Variants in MAPK10 observed in about 807,000 individuals in gnomAD.
The protein encoded by MAPK10 is mitogen-activated protein kinase 10, also known as JNK3 alpha protein kinase.
In MAPK10, 25 loss-of-function variants were observed where a neutral mutation model predicts 59.3. The ratio of observed to expected loss-of-function variants is 0.42; its 90% confidence interval spans 0.31 to 0.59. MAPK10 has a LOEUF of 0.59. Ranked by LOEUF, MAPK10 falls within the 20% of genes least tolerant of loss-of-function variation. The pLI is 0.15. For missense variants in MAPK10, 351 were observed against 568.9 expected, an observed-to-expected ratio of 0.62 and a Z score of 3.90; for synonymous variants, 190 against 200.5, an observed-to-expected ratio of 0.95 and a Z score of 0.44.
intron 1 of MAPK10, among the ~76,000 whole-genome samples, chr4:86,390,320 T>C (rs1742032625): frequency 1.3e-5 from 2 of 152,226 alleles, no homozygotes; most frequent in Non-Finnish European, 2.9e-5. Flanking sequence ...TGAAAACTAC[T>C]GCACTTGATC....
At chr4:86,217,069 C>G (rs1036231591) in intron 2 of MAPK10, among the ~76,000 whole-genome samples, 1 of 152,112 alleles carries the variant, frequency 6.6e-6, no homozygotes, top group East Asian at 1.9e-4. Flanking sequence ...AAAATTTATA[C>G]ATCTCATCCA....
chr4:86,125,344 A>C (rs2059907985), intron 4 of MAPK10: 1 of 152,006 alleles, frequency 6.6e-6, no homozygotes, highest in Non-Finnish European at 1.5e-5. Context: ...TTCTCATTAA[A>C]AAAAATTAGG....
At chr4:86,152,643 G>A (rs1297301950) in intron 4 of MAPK10, 3 of 152,150 alleles carry the variant, frequency 2.0e-5, no homozygotes, top group African/African-American at 7.2e-5. Flanking sequence ...GAAACAGAAA[G>A]TAATGCTGTA....
At chr4:86,252,550 G>C (rs2093505210) in intron 2 of MAPK10, among the ~76,000 whole-genome samples, 1 of 142,004 alleles carries the variant, frequency 7.0e-6, no homozygotes, top group South Asian at 2.3e-4. Flanking sequence ...TTTGGTACCA[G>C]TACCATGCTG....
intron 11 of MAPK10, among the ~76,000 whole-genome samples, chr4:86,063,702 G>A (rs1000310587): frequency 2.0e-5 from 3 of 152,136 alleles, no homozygotes; most frequent in African/African-American, 4.8e-5. Context: ...GATTCTCCAT[G>A]TCTGGGTATC....
chr4:86,192,474 T>A (rs956938703), intron 3 of MAPK10: 5 of 152,098 alleles, frequency 3.3e-5, no homozygotes, highest in African/African-American at 1.2e-4. Flanking sequence ...TCATTCTTTT[T>A]CATTCTTTTT....
At chr4:86,489,856 C>T (rs1308476911) in intron 1 of MAPK10, among the ~76,000 whole-genome samples, 4 of 152,158 alleles carry the variant, frequency 2.6e-5, no homozygotes, top group Non-Finnish European at 2.9e-5. Flanking sequence ...ATCCACACAT[C>T]CTGAGTCTCT....
At chr4:86,156,371 C>T (rs1271372647) in intron 4 of MAPK10, among the ~76,000 whole-genome samples, 2 of 151,828 alleles carry the variant, frequency 1.3e-5, no homozygotes, top group African/African-American at 4.8e-5. Context: ...ATGATTTTAT[C>T]TTAGAATTGT....
At chr4:86,571,080 A>G (rs567798181) in intron 1 of MAPK10, among the ~76,000 whole-genome samples, 4 of 151,804 alleles carry the variant, frequency 2.6e-5, no homozygotes, top group Non-Finnish European at 4.4e-5. Flanking sequence ...TACTCTTCCT[A>G]TAGACATGGA....
chr4:86,128,088 G>A (rs73837415), intron 4 of MAPK10, among the ~76,000 whole-genome samples: 7,467 of 152,080 alleles, frequency 0.049, 613 homozygotes, highest in African/African-American at 0.17. Context: ...GGGTTTCTAA[G>A]TTTTATGCAT....
intron 1 of MAPK10, among the ~76,000 whole-genome samples, chr4:86,588,036 G>T (rs1400931734): frequency 1.3e-5 from 2 of 152,020 alleles, no homozygotes; most frequent in Non-Finnish European, 2.9e-5. Context: ...TTTAAAAGGA[G>T]AAAAAAAGTA....
chr4:86,195,050 T>C (rs1045405670), intron 2 of MAPK10, among the ~76,000 whole-genome samples: 3 of 152,170 alleles, frequency 2.0e-5, no homozygotes, highest in African/African-American at 7.2e-5. Context: ...ATAAGTTTAA[T>C]CTTGGTGGGA....
intron 11 of MAPK10, among the ~76,000 whole-genome samples, chr4:86,039,784 C>T (rs751159948): frequency 2.6e-5 from 4 of 152,150 alleles, no homozygotes; most frequent in South Asian, 4.1e-4. Context: ...CAGACATAGG[C>T]GTCAGGTCTG....
At chr4:86,407,058 G>A (rs1162039880) in intron 1 of MAPK10, among the ~76,000 whole-genome samples, 4 of 152,028 alleles carry the variant, frequency 2.6e-5, no homozygotes, top group Admixed American at 1.3e-4. Context: ...GGCCACTCCT[G>A]GATTCTCTAG....
chr4:86,031,614 A>C (rs1232750755), intron 11 of MAPK10, 183 bp from the exon 12 acceptor site: 7 of 520,882 alleles, frequency 1.3e-5, no homozygotes, highest in African/African-American at 9.7e-5. Flanking sequence ...ATTCATTCAT[A>C]TTGCAATATT....
intron 11 of MAPK10, among the ~76,000 whole-genome samples, chr4:86,062,690 T>C (rs979016192): frequency 6.6e-6 from 1 of 152,090 alleles, no homozygotes; most frequent in Non-Finnish European, 1.5e-5. Context: ...CATATTTATA[T>C]AAAATGTTTA....
chr4:86,060,004 G>C (rs1278659298), intron 11 of MAPK10, among the ~76,000 whole-genome samples: 4 of 152,138 alleles, frequency 2.6e-5, no homozygotes, highest in Non-Finnish European at 2.9e-5. Context: ...CTGATTCCCA[G>C]AGTAAGGTTT....
chr4:86,364,269 G>A (rs1403254790), upstream of MAPK10, among the ~76,000 whole-genome samples: 1 of 152,000 alleles, frequency 6.6e-6, no homozygotes, highest in East Asian at 1.9e-4. Context: ...TGGGACCATA[G>A]GTGCGCGTCA....
intron 4 of MAPK10, chr4:86,125,484 A>G (rs1203836960): frequency 2.6e-5 from 4 of 151,998 alleles, no homozygotes; most frequent in Non-Finnish European, 4.4e-5. Flanking sequence ...ACTTTCATTG[A>G]CAAAATATTC....
Sources: gnomAD v4.1 joint callset for allele counts (sites outside exome capture counted in the v4.1 genomes callset) on GRCh38, gnomAD v4.1.1 for gene constraint, MANE v1.5 for transcripts, NCBI Gene and HGNC (gene_info 2026-07-23, HGNC 2026-07-21) for gene names.